The following DENND1A variants were observed in gnomAD, a reference collection of about 807,000 sequenced individuals.
DENND1A encodes DENN domain-containing protein 1A.
Under a neutral mutation model 113.7 loss-of-function variants are expected in DENND1A, and 51 were observed. That is an observed-to-expected ratio of 0.45 (90% confidence interval 0.36 to 0.57). DENND1A has a LOEUF of 0.57. Among genes scored for constraint, DENND1A ranks in the 20% least tolerant of loss-of-function variants. DENND1A has a pLI of 0.00. For synonymous variants in DENND1A, 565 were observed against 570.8 expected, an observed-to-expected ratio of 0.99 and a Z score of 0.14; for missense variants, 1,258 against 1,395.9, an observed-to-expected ratio of 0.90 and a Z score of 1.57.
chr9:123,455,323 C>T (rs2132838952), intron 15 of DENND1A, among the ~76,000 whole-genome samples: 1 of 152,364 alleles, frequency 6.6e-6, no homozygotes, highest in South Asian at 2.1e-4. Context: ...TGCCACTCTC[C>T]TCCAGTCGCG....
intron 13 of DENND1A, among the ~76,000 whole-genome samples, chr9:123,516,616 G>A (rs556736248): frequency 7.2e-5 from 11 of 152,144 alleles, no homozygotes; most frequent in African/African-American, 1.7e-4. Flanking sequence ...GGCCAGGCAC[G>A]GTGGCTCATG....
intron 21 of DENND1A, among the ~76,000 whole-genome samples, chr9:123,402,264 G>T (rs989591599): frequency 8.1e-5 from 12 of 147,274 alleles, no homozygotes; most frequent in Non-Finnish European, 1.8e-4. Context: ...ACACACACAC[G>T]CACGCACACA....
chr9:123,424,026 G>A (rs1386648922), intron 19 of DENND1A, among the ~76,000 whole-genome samples: 1 of 152,184 alleles, frequency 6.6e-6, no homozygotes, highest in East Asian at 1.9e-4. Context: ...CCTAGGCTGG[G>A]GAGAGGGGGT....
chr9:123,452,481 T>A, intron 16 of DENND1A, 134 bp from the exon 17 acceptor site: 3 of 717,894 alleles, frequency 4.2e-6, no homozygotes, highest in East Asian at 5.4e-5. Context: ...TAGGCCTGGA[T>A]GATAACTGGT....
chr9:123,695,209 C>CATATAT lies in DENND1A; in HGVS notation c.303-18426_303-18421dup, dbSNP rs148320024. ...TGTAAGTTAATACTTAATAACTCTC[C>CATATAT]ATATATATATATATGGAGAAACAAA... On this transcript the variant is annotated intron_variant, in intron 5 of 23. Coordinates refer to ENST00000394215, the MANE Select transcript of DENND1A (RefSeq NM_001352964.2). 3.3e-3 allele frequency among the ~76,000 whole-genome samples: 499 copies of CATATAT among 149,152 alleles called. 3 individuals are homozygous for CATATAT. The highest frequency in any genetic ancestry group is 0.01 in the African/African-American group (418 of 40,182).
intron 21 of DENND1A, chr9:123,402,556 A>C (rs764429562): frequency 7.5e-6 from 4 of 534,828 alleles, no homozygotes; most frequent in Non-Finnish European, 1.5e-5. Context: ...TCCCTGGGGT[A>C]GTTTTTCTGA....
intron 11 of DENND1A, among the ~76,000 whole-genome samples, chr9:123,600,344 AT>A (rs2059888409): frequency 6.6e-6 from 1 of 152,022 alleles, no homozygotes; most frequent in African/African-American, 2.4e-5. Context: ...GTACCTTCTT[AT>A]TTACTCCTCA....
intron 2 of DENND1A, among the ~76,000 whole-genome samples, chr9:123,807,980 C>T (rs1237771531): frequency 2.0e-5 from 3 of 152,208 alleles, no homozygotes; most frequent in African/African-American, 2.4e-5. Flanking sequence ...AAGCCCAGCA[C>T]TTTGGGAGGC....
At chr9:123,433,900 C>T (rs1264067634) in intron 19 of DENND1A, among the ~76,000 whole-genome samples, 1 of 152,210 alleles carries the variant, frequency 6.6e-6, no homozygotes, top group African/African-American at 2.4e-5. Flanking sequence ...GGTCCCAGTT[C>T]CCTGCCTCAT....
intron 2 of DENND1A, among the ~76,000 whole-genome samples, chr9:123,833,268 T>G (rs1229159545): frequency 2.0e-5 from 3 of 152,108 alleles, no homozygotes; most frequent in African/African-American, 7.2e-5. Flanking sequence ...TTGACCTGGA[T>G]GTTTTAACTT....
At chr9:123,896,484 T>C (rs1850779798) in intron 1 of DENND1A, among the ~76,000 whole-genome samples, 1 of 152,092 alleles carries the variant, frequency 6.6e-6, no homozygotes, top group Non-Finnish European at 1.5e-5. Context: ...CCAAGAAATA[T>C]GAGCTCACTG....
At chr9:123,639,792 A>AC (rs1219439424) in intron 9 of DENND1A, among the ~76,000 whole-genome samples, 34 of 150,386 alleles carry the variant, frequency 2.3e-4, no homozygotes, top group African/African-American at 3.9e-4. Flanking sequence ...AAAAAAAAAA[A>AC]AAAAACAAAA....
intron 5 of DENND1A, among the ~76,000 whole-genome samples, chr9:123,728,503 A>AAAAC (rs2067906603): frequency 1.4e-5 from 2 of 147,872 alleles, no homozygotes; most frequent in African/African-American, 5.1e-5. Flanking sequence ...AAAAAAAAAA[A>AAAAC]AAAAAAACAG....
intron 12 of DENND1A, among the ~76,000 whole-genome samples, chr9:123,567,184 A>AT (rs1278274486): frequency 1.3e-5 from 2 of 152,230 alleles, no homozygotes; most frequent in African/African-American, 4.8e-5. Context: ...TAAAGGTCAG[A>AT]TTTAAACTAT....
At chr9:123,558,262 A>C (rs1253519487) in intron 12 of DENND1A, among the ~76,000 whole-genome samples, 1 of 152,200 alleles carries the variant, frequency 6.6e-6, no homozygotes, top group African/African-American at 2.4e-5. Context: ...ATTCCAATCA[A>C]AGTCTTGTAG....
At chr9:123,917,434 A>G (rs1855359239) in intron 1 of DENND1A, among the ~76,000 whole-genome samples, 2 of 152,182 alleles carry the variant, frequency 1.3e-5, no homozygotes. Flanking sequence ...ATAAAGCAAA[A>G]GAGTAATGGT....
At chr9:123,458,562 A>T (rs944261563) in intron 13 of DENND1A, among the ~76,000 whole-genome samples, 1 of 152,164 alleles carries the variant, frequency 6.6e-6, no homozygotes, top group Admixed American at 6.5e-5. Flanking sequence ...CCGTACCCCA[A>T]GGGCTATTTA....
At chr9:123,874,462 A>G (rs969733838) in intron 2 of DENND1A, among the ~76,000 whole-genome samples, 2 of 152,170 alleles carry the variant, frequency 1.3e-5, no homozygotes, top group African/African-American at 4.8e-5. Context: ...TTTATAAAAG[A>G]TATTCACGAG....
At chr9:123,567,768 T>C (rs1267008355) in intron 12 of DENND1A, among the ~76,000 whole-genome samples, 5 of 152,168 alleles carry the variant, frequency 3.3e-5, no homozygotes, top group Admixed American at 3.3e-4. Context: ...AGAGCCACTA[T>C]CTGAGGCCCA....
Sources: gnomAD v4.1 joint callset for allele counts (sites outside exome capture counted in the v4.1 genomes callset) on GRCh38, gnomAD v4.1.1 for gene constraint, MANE v1.5 for transcripts, NCBI Gene and HGNC (gene_info 2026-07-23, HGNC 2026-07-21) for gene names.